POLR2B: variants seen among roughly 807,000 people sequenced by gnomAD.
The protein encoded by POLR2B is DNA-directed RNA polymerase II subunit RPB2.
Under a neutral mutation model 144.6 loss-of-function variants are expected in POLR2B, and 57 were observed. That is an observed-to-expected ratio of 0.39 (90% CI 0.32 to 0.49). POLR2B has a LOEUF of 0.49. POLR2B is among the 20% of genes least tolerant of loss of function. The pLI, the probability that POLR2B is intolerant of heterozygous loss-of-function variation, is 0.83. For missense variants in POLR2B, 595 were observed against 1,467.4 expected (o/e 0.41, Z 9.71); for synonymous variants, 442 against 469.8 (o/e 0.94, Z 0.77).
Position 57,005,422 on chromosome 4 carries a change from CA to C in POLR2B, c.1083del (p.Ala362ProfsTer21). ...TTGGTGTCAGTGATTTTTGTGAGACCAAAAAAGCCTATTTCTTGGGGTATGT... is the reference window on the plus strand; with the variant it reads ...TTGGTGTCAGTGATTTTTGTGAGACCAAAAAGCCTATTTCTTGGGGTATGT... ...HVGVSDFCET[K>X]KAYFLGYMVH... On this transcript the variant is annotated frameshift_variant, in exon 8 of 25. Transcript: ENST00000314595. LOFTEE classifies it high-confidence loss of function. 7 of 1,583,440 alleles carry C rather than the reference CA, an allele frequency of 4.4e-6. No homozygotes were observed. Among genetic ancestry groups the C allele is most frequent in the Admixed American group, 1.9e-5 (1 of 52,848 alleles).
chr4:57,024,036 CT>C lies in POLR2B; in HGVS notation c.2889del (p.Asp964IlefsTer13), dbSNP rs761599752. 1 of 1,609,786 alleles carries C rather than the reference CT, an allele frequency of 6.2e-7. No homozygotes were observed. The highest frequency in any genetic ancestry group is 1.1e-5 in the South Asian group (1 of 90,728). ...CCTTTCACCTGTGAAGGTATCACCCCTGATATCATCATCAATCCCCATGCCA... is the reference window on the plus strand; with the variant it reads ...CCTTTCACCTGTGAAGGTATCACCCCGATATCATCATCAATCCCCATGCCA... ...DMPFTCEGIT[P>X]DIIINPHAIP... On this transcript the variant is annotated frameshift_variant, in exon 21 of 25. Coordinates refer to ENST00000314595, the MANE Select transcript of POLR2B (RefSeq NM_000938.3). LOFTEE classifies it high-confidence loss of function.
At chr4:56,998,617 C>A (rs1722762047) in intron 6 of POLR2B, among the ~76,000 whole-genome samples, 1 of 152,048 alleles carries the variant, frequency 6.6e-6, no homozygotes, top group Non-Finnish European at 1.5e-5. Flanking sequence ...CTTGGCCTCC[C>A]AAAGTGCCGG....
chr4:57,012,204 A>G (rs1056882009), intron 13 of POLR2B, among the ~76,000 whole-genome samples: 7 of 152,130 alleles, frequency 4.6e-5, no homozygotes, highest in African/African-American at 1.7e-4. Context: ...CAGGAGTTTG[A>G]GACCAGCCTG....
intron 17 of POLR2B, among the ~76,000 whole-genome samples, chr4:57,021,592 G>T (rs1257955391): frequency 1.4e-4 from 21 of 149,266 alleles, no homozygotes; most frequent in Non-Finnish European, 1.3e-4. Flanking sequence ...GGTTTCAAGA[G>T]ATTCTCCTAC....
chr4:57,005,854 A>G (rs755451019), intron 9 of POLR2B, 135 bp downstream of exon 9: 49 of 726,278 alleles, frequency 6.7e-5, no homozygotes, highest in Admixed American at 6.7e-4. Flanking sequence ...TCTTATTGCT[A>G]TTTGCTCAGA....
rs1001076017 is a variant in POLR2B at position 57,011,183 on chromosome 4, C to T, written c.1800+83C>T. The T allele has an allele frequency of 2.0e-4, 171 of 852,286 alleles. 1 individual carries two copies. Among genetic ancestry groups the T allele is most frequent in the Non-Finnish European group, 2.9e-4 (148 of 504,804 alleles). The allele number at this position is 852,286 out of a possible 1,614,324, so 52.8% of individuals were successfully genotyped here. ...CTAGTGAAAGTTATCTTTGCATTGGCATCTTTTCTTTGAACTTTATTCCCT... is the reference window on the plus strand; with the variant it reads ...CTAGTGAAAGTTATCTTTGCATTGGTATCTTTTCTTTGAACTTTATTCCCT... On this transcript the variant is annotated intron_variant, in intron 13 of 24. Transcript: ENST00000314595.
chr4:57,005,550 C>G (rs1210085368), intron 8 of POLR2B, 50 bp from the exon 9 acceptor site: 4 of 1,537,870 alleles, frequency 2.6e-6, no homozygotes, highest in Non-Finnish European at 3.5e-6. Flanking sequence ...AAAAAAAGTC[C>G]AAAACTAAGT....
intron 14 of POLR2B, among the ~76,000 whole-genome samples, chr4:57,016,672 AT>A (rs1409168334): frequency 6.6e-6 from 1 of 150,582 alleles, no homozygotes; most frequent in Non-Finnish European, 1.5e-5. Context: ...TTAAATATTT[AT>A]TTTTTAGCAA....
intron 1 of POLR2B, among the ~76,000 whole-genome samples, chr4:56,982,670 AATT>A: frequency 6.6e-6 from 1 of 152,146 alleles, no homozygotes; most frequent in Non-Finnish European, 1.5e-5. Context: ...ACAAGTAAAT[AATT>A]ATTTATATAG....
rs149357887 is a variant in POLR2B, at chr4:57,023,748, A to G, written c.2853A>G (p.Gln951=). ...QKGTCGIQYR[Q]EDMPFTCEGI... Reference sequence around the variant, plus strand: ...GTACTTGTGGTATTCAGTATAGACAAGAGGTAGGTATCTTTGATCTCCCTC... The same window carrying G: ...GTACTTGTGGTATTCAGTATAGACAGGAGGTAGGTATCTTTGATCTCCCTC... Residue 951 remains glutamine, a synonymous_variant, in exon 20 of 25, where the codon CAA becomes CAG. Coordinates refer to ENST00000314595, the MANE Select transcript of POLR2B (RefSeq NM_000938.3). The surrounding 1 kb of genome is among the most constrained non-coding windows in gnomAD (Gnocchi z 4.3). 1.3e-5 allele frequency: 21 copies of G among 1,575,090 alleles called. No homozygotes were observed. The South Asian group carries it at 1.7e-4, about 13-fold the overall frequency.
intron 7 of POLR2B, 112 bp downstream of exon 7, chr4:56,999,893 C>T (rs924623887): frequency 2.0e-5 from 14 of 695,362 alleles, no homozygotes; most frequent in Non-Finnish European, 3.0e-5. Context: ...ATTTAGCTGT[C>T]ACAAATCTTA....
At chr4:57,011,146 C>T in intron 13 of POLR2B, 46 bp downstream of exon 13, 1 of 1,194,340 alleles carries the variant, frequency 8.4e-7, no homozygotes, top group South Asian at 1.2e-5. Flanking sequence ...GATTTTTAAA[C>T]AAGGCATAGG....
intron 6 of POLR2B, among the ~76,000 whole-genome samples, chr4:56,998,702 A>G (rs1722764533): frequency 6.6e-6 from 1 of 152,220 alleles, no homozygotes; most frequent in South Asian, 2.1e-4. Flanking sequence ...AAGATCCATG[A>G]TGAAACAAAT....
chr4:57,010,272 G>A (rs1723147544), intron 10 of POLR2B, 89 bp from the exon 11 acceptor site: 2 of 1,145,222 alleles, frequency 1.7e-6, no homozygotes, highest in East Asian at 4.7e-5. Context: ...ATACTCAGTA[G>A]ATTATATGTA....
intron 2 of POLR2B, among the ~76,000 whole-genome samples, chr4:56,990,472 A>G (rs1722480215): frequency 6.6e-6 from 1 of 152,294 alleles, no homozygotes; most frequent in African/African-American, 2.4e-5. Flanking sequence ...TTGGCCTCCC[A>G]GGAGCTGGGA....
chr4:57,029,844 A>G (rs946314721), intron 23 of POLR2B, among the ~76,000 whole-genome samples: 1 of 152,182 alleles, frequency 6.6e-6, no homozygotes, highest in Admixed American at 6.5e-5. Context: ...CTACTTAAGA[A>G]TCTAATGTAT....
At chr4:57,006,395 C>G (rs771936123) in intron 9 of POLR2B, among the ~76,000 whole-genome samples, 2 of 152,178 alleles carry the variant, frequency 1.3e-5, no homozygotes, top group Non-Finnish European at 2.9e-5. Context: ...ACCTCTGCCT[C>G]CAGGGTTCAA....
chr4:56,995,308 G>T lies in POLR2B; in HGVS notation c.634G>T (p.Asp212Tyr). 1 of 1,612,856 alleles carries T rather than the reference G, an allele frequency of 6.2e-7. No homozygotes were observed. Among genetic ancestry groups the T allele is most frequent in the Non-Finnish European group, 8.5e-7 (1 of 1,178,942 alleles). ...CACAGTTTATGTGTTTGCCAAAAAG[G>T]ATTCTAAATATGCCTACACAGGAGA... ...TNTVYVFAKK[D>Y]SKYAYTGECR... The change falls in exon 6 of 25, where the codon GAT becomes TAT. Residue 212 changes from aspartate (D) to tyrosine (Y), a missense_variant. Physicochemically the swap from Asp to Tyr is radical, Grantham distance 160. This residue lies in a region of POLR2B where 251 missense variants were observed against 567.3 expected (regional missense o/e 0.44). Transcript: ENST00000314595.
intron 1 of POLR2B, among the ~76,000 whole-genome samples, chr4:56,981,843 T>C (rs1722165070): frequency 1.3e-5 from 2 of 152,384 alleles, no homozygotes; most frequent in South Asian, 4.1e-4. Flanking sequence ...TTTCTACTCA[T>C]GCTACTACAT....
Sources: gnomAD v4.1 joint callset for allele counts (sites outside exome capture counted in the v4.1 genomes callset) on GRCh38, gnomAD v4.1.1 for gene constraint, gnomAD v4.1.1 regional missense constraint, Gnocchi (gnomAD v3.1) non-coding constraint, MANE v1.5 for transcripts, NCBI Gene and HGNC (gene_info 2026-07-23, HGNC 2026-07-21) for gene names.